Variants in LOC128462377 observed in about 807,000 individuals in gnomAD.
chr16:89,317,592 C>A, the LOC128462377 span, among the ~76,000 whole-genome samples: 1 of 152,264 alleles, frequency 6.6e-6, no homozygotes, highest in African/African-American at 2.4e-5. Context: ...GCTTTTTGCA[C>A]ACCCAGTTCC....
the LOC128462377 span, among the ~76,000 whole-genome samples, chr16:89,394,648 A>G: frequency 6.6e-6 from 1 of 151,800 alleles, no homozygotes; most frequent in Non-Finnish European, 1.5e-5. Context: ...AAAAACAAAC[A>G]ACCTTTTGTG....
the LOC128462377 span, among the ~76,000 whole-genome samples, chr16:89,339,355 G>GCAAA: frequency 5.2e-3 from 793 of 152,138 alleles, 9 homozygotes; most frequent in African/African-American, 0.015. Flanking sequence ...GCTTACACTA[G>GCAAA]CAAACAAACA....
At chr16:89,359,969 C>CG in the LOC128462377 span, among the ~76,000 whole-genome samples, 68 of 148,208 alleles carry the variant, frequency 4.6e-4, no homozygotes, top group South Asian at 1.1e-3. Flanking sequence ...CGGCAGTGGG[C>CG]GGGGGGGGAG....
chr16:89,415,788 A>G, the LOC128462377 span, among the ~76,000 whole-genome samples: 1 of 139,318 alleles, frequency 7.2e-6, no homozygotes, highest in Non-Finnish European at 1.5e-5. Context: ...AGATTGCACC[A>G]CTACACTCCA....
the LOC128462377 span, among the ~76,000 whole-genome samples, chr16:89,399,211 G>T: frequency 6.6e-6 from 1 of 152,138 alleles, no homozygotes; most frequent in African/African-American, 2.4e-5. Context: ...ACCGAGTTCA[G>T]GGGCCAGTGG....
chr16:89,377,488 T>C, the LOC128462377 span, among the ~76,000 whole-genome samples: 1 of 92,662 alleles, frequency 1.1e-5, no homozygotes, highest in Non-Finnish European at 2.2e-5. Flanking sequence ...GCAGGAGGGC[T>C]GGGGGGCGGG....
At chr16:89,375,152 C>T in the LOC128462377 span, among the ~76,000 whole-genome samples, 3 of 152,198 alleles carry the variant, frequency 2.0e-5, no homozygotes, top group South Asian at 6.2e-4. Context: ...ACACTGCACG[C>T]TGTAATGATC....
At chr16:89,346,944 C>T in the LOC128462377 span, among the ~76,000 whole-genome samples, 1 of 152,174 alleles carries the variant, frequency 6.6e-6, no homozygotes, top group African/African-American at 2.4e-5. Context: ...ACAAGCTACA[C>T]GACACAATAG....
the LOC128462377 span, among the ~76,000 whole-genome samples, chr16:89,391,227 CAAAAA>C: frequency 1.0e-5 from 1 of 95,310 alleles, no homozygotes. Context: ...GACTCTGTCT[CAAAAA>C]AAAAAAAAAA....
chr16:89,353,323 C>T, the LOC128462377 span, among the ~76,000 whole-genome samples: 2 of 150,272 alleles, frequency 1.3e-5, no homozygotes, highest in African/African-American at 4.9e-5. Flanking sequence ...GCCTGGGTGA[C>T]AGAGTGAGAC....
chr16:89,392,647 A>G, the LOC128462377 span: 1 of 150,612 alleles, frequency 6.6e-6, no homozygotes, highest in African/African-American at 2.4e-5. Context: ...TTAACGATCA[A>G]CTCAGCATCT....
the LOC128462377 span, among the ~76,000 whole-genome samples, chr16:89,368,976 G>C: frequency 6.6e-6 from 1 of 152,130 alleles, no homozygotes; most frequent in Non-Finnish European, 1.5e-5. Context: ...CGCCTGGAGG[G>C]AACAAGGGTT....
the LOC128462377 span, among the ~76,000 whole-genome samples, chr16:89,327,400 AG>A: frequency 6.6e-6 from 1 of 152,332 alleles, no homozygotes; most frequent in East Asian, 1.9e-4. Flanking sequence ...AATGGCATAC[AG>A]GGCAGAAAGG....
chr16:89,374,110 T>C, the LOC128462377 span, among the ~76,000 whole-genome samples: 1 of 152,202 alleles, frequency 6.6e-6, no homozygotes, highest in African/African-American at 2.4e-5. Context: ...ATCAATAGTT[T>C]TACTGGTGAT....
chr16:89,371,042 G>A, the LOC128462377 span, among the ~76,000 whole-genome samples: 304 of 152,272 alleles, frequency 2.0e-3, 2 homozygotes, highest in African/African-American at 7.0e-3. Context: ...TAGCTGCCCC[G>A]TCTCATGACG....
the LOC128462377 span, among the ~76,000 whole-genome samples, chr16:89,355,564 G>A: frequency 5.9e-5 from 9 of 152,092 alleles, no homozygotes; most frequent in Non-Finnish European, 1.2e-4. Flanking sequence ...CAGCAGGGAC[G>A]GCCCCAGACA....
At chr16:89,381,516 G>C in the LOC128462377 span, among the ~76,000 whole-genome samples, 1 of 151,934 alleles carries the variant, frequency 6.6e-6, no homozygotes, top group Non-Finnish European at 1.5e-5. Flanking sequence ...CAAAATGAGG[G>C]TAAGCATTCT....
the LOC128462377 span, among the ~76,000 whole-genome samples, chr16:89,384,874 GTTTTCTTTT>G: frequency 1.0e-3 from 74 of 72,750 alleles, 1 homozygote; most frequent in African/African-American, 4.1e-3. Flanking sequence ...ATGAGAAATA[GTTTTCTTTT>G]TTTTTTTTTT....
the LOC128462377 span, among the ~76,000 whole-genome samples, chr16:89,388,939 C>A: frequency 6.6e-6 from 1 of 152,200 alleles, no homozygotes. Flanking sequence ...CAGAACAAAG[C>A]CCAAGATGAC....
Sources: allele counts gnomAD v4.1 joint callset (sites outside exome capture counted in the v4.1 genomes callset), GRCh38; gene constraint gnomAD v4.1.1; transcripts MANE v1.5.